Variants in STX2 observed in about 807,000 individuals in gnomAD.
The protein encoded by STX2 is syntaxin-2.
In STX2, 27 loss-of-function variants were observed where a neutral mutation model predicts 40.6. The observed-to-expected ratio is 0.66, with a 90% CI of 0.49 to 0.92. The LOEUF is 0.92. Ranked by LOEUF, STX2 falls within the 40% of genes least tolerant of loss-of-function variation. The pLI, the probability that STX2 is intolerant of heterozygous loss-of-function variation, is 0.00. For missense variants in STX2, 328 were observed against 366.1 expected (o/e 0.90, Z 0.85); for synonymous variants, 123 against 119.1 (o/e 1.03, Z -0.22).
intron 6 of STX2, among the ~76,000 whole-genome samples, chr12:130,801,901 G>A (rs1052170185): frequency 6.6e-6 from 1 of 152,178 alleles, no homozygotes; most frequent in African/African-American, 2.4e-5. Context: ...CACTTTCCAT[G>A]TTTGGAAGTT....
chr12:130,810,098 AC>A (rs1381554650), intron 4 of STX2, among the ~76,000 whole-genome samples: 21 of 152,214 alleles, frequency 1.4e-4, no homozygotes, highest in African/African-American at 3.6e-4. Context: ...AAAGAATGAC[AC>A]AAAAAATAAA....
chr12:130,828,117 A>T (rs1952395418), intron 1 of STX2, among the ~76,000 whole-genome samples: 1 of 152,198 alleles, frequency 6.6e-6, no homozygotes, highest in South Asian at 2.1e-4. Flanking sequence ...GAAGACCCTA[A>T]GGATAAGATA....
At chr12:130,824,973 T>C (rs1480147159) in intron 2 of STX2, among the ~76,000 whole-genome samples, 1 of 151,814 alleles carries the variant, frequency 6.6e-6, no homozygotes, top group African/African-American at 2.4e-5. Context: ...AAAGACAGAC[T>C]GGCACCAGAT....
intron 1 of STX2, 51 bp downstream of exon 1, chr12:130,839,019 C>G: frequency 7.6e-7 from 1 of 1,314,466 alleles, no homozygotes; most frequent in Non-Finnish European, 9.7e-7. Context: ...CGCCCGCCCT[C>G]CAGACGCCGC....
chr12:130,811,762 G>A (rs912160483), intron 4 of STX2, among the ~76,000 whole-genome samples: 5 of 151,984 alleles, frequency 3.3e-5, no homozygotes, highest in East Asian at 3.9e-4. Context: ...GATAAGTCTC[G>A]ATCTCCTGAC....
intron 2 of STX2, among the ~76,000 whole-genome samples, chr12:130,826,217 G>A (rs139007111): frequency 1.3e-4 from 20 of 152,316 alleles, no homozygotes; most frequent in Non-Finnish European, 2.4e-4. Flanking sequence ...ACCAGTGGAC[G>A]GATGGCAGTG....
intron 3 of STX2, among the ~76,000 whole-genome samples, chr12:130,817,414 A>G (rs1010369261): frequency 1.3e-5 from 2 of 152,176 alleles, no homozygotes; most frequent in African/African-American, 2.4e-5. Flanking sequence ...TAAAATATAT[A>G]GAGAAAAAAT....
intron 1 of STX2, among the ~76,000 whole-genome samples, chr12:130,837,577 AC>A (rs1350652753): frequency 1.3e-5 from 2 of 152,042 alleles, no homozygotes; most frequent in Non-Finnish European, 2.9e-5. Context: ...AGCCACTGCG[AC>A]TGGCCTCCTG....
Position 130,803,865 on chromosome 12 carries a change from G to A in STX2, c.464-2377C>T, listed in dbSNP as rs115319657. 3.7e-3 allele frequency among the ~76,000 whole-genome samples: 564 copies of A among 152,138 alleles called. 5 individuals are homozygous for A. The highest frequency in any genetic ancestry group is 0.012 in the African/African-American group (514 of 41,522). On this transcript the variant is annotated intron_variant, in intron 6 of 10. Coordinates refer to ENST00000392373, the MANE Select transcript of STX2 (RefSeq NM_194356.4). Reference sequence around the variant, plus strand: ...TGAAAACTGGGTTTTCCTTAAGCTCGATGTCAAAATTCAATGAGCGGCAAA... The same window carrying A: ...TGAAAACTGGGTTTTCCTTAAGCTCAATGTCAAAATTCAATGAGCGGCAAA...
At chr12:130,815,688 C>T (rs903510703) in intron 3 of STX2, among the ~76,000 whole-genome samples, 3 of 152,210 alleles carry the variant, frequency 2.0e-5, no homozygotes, top group South Asian at 2.1e-4. Context: ...AGCCTGCTAA[C>T]GGCAGCTGAA....
chr12:130,827,602 T>G (rs1281147521), intron 1 of STX2, among the ~76,000 whole-genome samples: 4 of 152,240 alleles, frequency 2.6e-5, no homozygotes, highest in Non-Finnish European at 1.5e-5. Flanking sequence ...CTGCTGGTGT[T>G]GCATATTTTC....
chr12:130,808,108 G>C (rs949381140), intron 5 of STX2, among the ~76,000 whole-genome samples: 3 of 151,954 alleles, frequency 2.0e-5, no homozygotes, highest in African/African-American at 7.3e-5. Flanking sequence ...AGTCACCCTC[G>C]GCCCACCCTG....
chr12:130,797,492 G>C, intron 9 of STX2, among the ~76,000 whole-genome samples: 1 of 152,082 alleles, frequency 6.6e-6, no homozygotes, highest in African/African-American at 2.4e-5. Flanking sequence ...CCTGCAGCCC[G>C]GGGGTGTGAG....
intron 1 of STX2, among the ~76,000 whole-genome samples, chr12:130,828,391 C>CTTTTTTTTTTTTT (rs35993256): frequency 5.6e-5 from 6 of 106,530 alleles, no homozygotes; most frequent in Admixed American, 2.1e-4. Flanking sequence ...CCACACCCGG[C>CTTTTTTTTTTTTT]TTTTTTTTTT....
chr12:130,796,311 T>G (rs944314181), intron 9 of STX2, among the ~76,000 whole-genome samples, 191 bp from the exon 10 acceptor site: 7 of 152,084 alleles, frequency 4.6e-5, no homozygotes, highest in African/African-American at 1.7e-4. Flanking sequence ...CTGGCCAACA[T>G]GGCGAAACCC....
At chr12:130,800,522 G>T (rs1232077166) in intron 8 of STX2, among the ~76,000 whole-genome samples, 1 of 152,192 alleles carries the variant, frequency 6.6e-6, no homozygotes, top group Non-Finnish European at 1.5e-5. Flanking sequence ...GTGTTACTGG[G>T]CAGATGGGAA....
chr12:130,793,958 T>C (rs1485803689), intron 10 of STX2, among the ~76,000 whole-genome samples: 3 of 152,066 alleles, frequency 2.0e-5, no homozygotes. Context: ...GACACTAGGG[T>C]GAAATGGCCA....
intron 3 of STX2, among the ~76,000 whole-genome samples, chr12:130,820,985 T>C (rs908261259): frequency 3.9e-5 from 6 of 152,108 alleles, no homozygotes; most frequent in African/African-American, 9.7e-5. Flanking sequence ...GCAATGAAAC[T>C]CTCTTCTCTA....
intron 3 of STX2, among the ~76,000 whole-genome samples, chr12:130,815,449 C>A (rs1484789866): frequency 6.6e-6 from 1 of 152,240 alleles, no homozygotes; most frequent in African/African-American, 2.4e-5. Flanking sequence ...CACCCACTGG[C>A]CTGCATAACT....
Sources: gnomAD v4.1 joint callset for allele counts (sites outside exome capture counted in the v4.1 genomes callset) on GRCh38, gnomAD v4.1.1 for gene constraint, MANE v1.5 for transcripts, NCBI Gene and HGNC (gene_info 2026-07-23, HGNC 2026-07-21) for gene names.